Variants in CAMKMT observed in about 807,000 individuals in gnomAD.
The protein encoded by CAMKMT is calmodulin-lysine N-methyltransferase.
A neutral mutation model predicts 48.0 loss-of-function variants in CAMKMT; 53 were observed. The ratio of observed to expected loss-of-function variants is 1.10; its 90% CI spans 0.89 to 1.39. CAMKMT has a LOEUF of 1.39. Ranked by LOEUF, CAMKMT falls within the 40% of genes most tolerant of loss-of-function variation. The pLI, the probability that CAMKMT is intolerant of heterozygous loss-of-function variation, is 0.00. For missense variants in CAMKMT, 428 were observed against 402.7 expected (o/e 1.06, Z -0.54); for synonymous variants, 165 against 152.3 (o/e 1.08, Z -0.61).
chr2:44,687,601 T>G (rs1053125878), intron 3 of CAMKMT, among the ~76,000 whole-genome samples: 4 of 152,218 alleles, frequency 2.6e-5, no homozygotes, highest in African/African-American at 9.6e-5. Flanking sequence ...ACCTTTCAAA[T>G]CTGCAAAAAG....
At chr2:44,664,704 T>C (rs567710146) in intron 3 of CAMKMT, among the ~76,000 whole-genome samples, 37 of 152,180 alleles carry the variant, frequency 2.4e-4, no homozygotes, top group East Asian at 1.2e-3. Context: ...CAGGCACAAA[T>C]TGATATTGGT....
At chr2:44,560,824 C>T (rs944236621) in intron 3 of CAMKMT, among the ~76,000 whole-genome samples, 1 of 152,134 alleles carries the variant, frequency 6.6e-6, no homozygotes, top group African/African-American at 2.4e-5. Flanking sequence ...CACACTTGCC[C>T]TCAAGTTGTT....
chr2:44,377,817 C>T (rs1277832328), intron 2 of CAMKMT, among the ~76,000 whole-genome samples: 1 of 151,870 alleles, frequency 6.6e-6, no homozygotes, highest in Non-Finnish European at 1.5e-5. Context: ...AACAAATGCA[C>T]TACACCGAGA....
intron 3 of CAMKMT, among the ~76,000 whole-genome samples, chr2:44,641,552 T>A (rs996877087): frequency 4.0e-5 from 6 of 148,814 alleles, no homozygotes; most frequent in South Asian, 2.1e-4. Context: ...TTATGATATT[T>A]TATATATATA....
chr2:44,420,268 C>T (rs991887185), intron 3 of CAMKMT, among the ~76,000 whole-genome samples: 8 of 152,092 alleles, frequency 5.3e-5, no homozygotes, highest in Non-Finnish European at 1.2e-4. Flanking sequence ...ATGGTCAAGT[C>T]TCAGACTGTT....
At chr2:44,398,989 G>A (rs2104439818) in intron 3 of CAMKMT, among the ~76,000 whole-genome samples, 1 of 152,230 alleles carries the variant, frequency 6.6e-6, no homozygotes, top group East Asian at 1.9e-4. Flanking sequence ...TCTGGGAGGT[G>A]GGAACAGTTT....
intron 2 of CAMKMT, among the ~76,000 whole-genome samples, chr2:44,388,593 C>G (rs929288037): frequency 6.6e-6 from 1 of 152,118 alleles, no homozygotes; most frequent in Non-Finnish European, 1.5e-5. Context: ...TGTTTAGTCA[C>G]ATTAACAGGG....
intron 3 of CAMKMT, among the ~76,000 whole-genome samples, chr2:44,661,290 C>G (rs1674665392): frequency 7.0e-6 from 1 of 143,754 alleles, no homozygotes; most frequent in Non-Finnish European, 1.5e-5. Context: ...TAGGTAATAA[C>G]AACAATGGTT....
intron 3 of CAMKMT, among the ~76,000 whole-genome samples, chr2:44,483,263 A>AT (rs1301254545): frequency 6.6e-6 from 1 of 152,000 alleles, no homozygotes; most frequent in East Asian, 1.9e-4. Context: ...CATTTAACTC[A>AT]TTTTTTTCTT....
intron 3 of CAMKMT, among the ~76,000 whole-genome samples, chr2:44,573,048 A>G (rs35127504): frequency 0.44 from 65,672 of 150,516 alleles, 17,050 homozygotes; most frequent in Non-Finnish European, 0.58. Flanking sequence ...ACTGTTAGTA[A>G]TAGTAATCTT....
chr2:44,764,697 G>A (rs1274173147), intron 9 of CAMKMT, among the ~76,000 whole-genome samples: 2 of 152,102 alleles, frequency 1.3e-5, no homozygotes, highest in Non-Finnish European at 2.9e-5. Flanking sequence ...ATCCTTCACT[G>A]TATGTTTAAT....
Position 44,515,067 on chromosome 2 carries a change from A to T in CAMKMT, c.376+124762A>T, listed in dbSNP as rs542729706. 2.0e-5 allele frequency among the ~76,000 whole-genome samples: 3 copies of T among 152,316 alleles called. No homozygotes were observed. The South Asian group carries it at 6.2e-4, about 32-fold the overall frequency. ...TGACCTGATATACTTTTGTGTCTTAATCTCTATGTTTTAACTCTAAGGGGT... is the reference window on the plus strand; with the variant it reads ...TGACCTGATATACTTTTGTGTCTTATTCTCTATGTTTTAACTCTAAGGGGT... On this transcript the variant is annotated intron_variant, in intron 3 of 10. Transcript: ENST00000378494.
At chr2:44,375,087 T>C (rs535000258) in intron 2 of CAMKMT, among the ~76,000 whole-genome samples, 2 of 152,074 alleles carry the variant, frequency 1.3e-5, no homozygotes, top group Non-Finnish European at 2.9e-5. Context: ...GCCATAATCA[T>C]GCCACTGCAC....
At chr2:44,429,943 A>C (rs1373172638) in intron 3 of CAMKMT, among the ~76,000 whole-genome samples, 1 of 151,890 alleles carries the variant, frequency 6.6e-6, no homozygotes, top group African/African-American at 2.4e-5. Flanking sequence ...ATGTGTATAT[A>C]TATGTATTGA....
intron 3 of CAMKMT, among the ~76,000 whole-genome samples, chr2:44,513,089 G>A (rs969393983): frequency 1.3e-5 from 2 of 152,148 alleles, no homozygotes; most frequent in Non-Finnish European, 2.9e-5. Context: ...TTTGCTGTAT[G>A]TGTTTATTTT....
chr2:44,607,045 A>C (rs1008234506), intron 3 of CAMKMT, among the ~76,000 whole-genome samples: 1 of 152,230 alleles, frequency 6.6e-6, no homozygotes, highest in African/African-American at 2.4e-5. Context: ...GCACTATTCT[A>C]TGGTTTCAAG....
At chr2:44,431,785 C>T (rs879486668) in intron 3 of CAMKMT, among the ~76,000 whole-genome samples, 2 of 152,056 alleles carry the variant, frequency 1.3e-5, no homozygotes, top group Non-Finnish European at 2.9e-5. Context: ...GGTGGATGCC[C>T]CTGATGAAAA....
intron 3 of CAMKMT, among the ~76,000 whole-genome samples, chr2:44,511,632 A>C (rs1416686673): frequency 6.6e-6 from 1 of 152,170 alleles, no homozygotes; most frequent in Non-Finnish European, 1.5e-5. Flanking sequence ...CACGTCCTAC[A>C]TTCTTAATCG....
chr2:44,638,874 T>C (rs919675765), intron 3 of CAMKMT, among the ~76,000 whole-genome samples: 1 of 152,194 alleles, frequency 6.6e-6, no homozygotes, highest in Non-Finnish European at 1.5e-5. Flanking sequence ...TTTTGCTATC[T>C]TTGCTGGCAG....
Sources: gnomAD v4.1 joint callset for allele counts (sites outside exome capture counted in the v4.1 genomes callset) on GRCh38, gnomAD v4.1.1 for gene constraint, MANE v1.5 for transcripts, NCBI Gene and HGNC (gene_info 2026-07-23, HGNC 2026-07-21) for gene names.